PRKG1: variants seen among roughly 807,000 people sequenced by gnomAD.
The protein encoded by PRKG1 is cGMP-dependent protein kinase 1.
PRKG1 carries 35 observed loss-of-function variants against 88.1 expected under a neutral mutation model. That is an observed-to-expected ratio of 0.40 (90% CI 0.30 to 0.53). The LOEUF (loss-of-function observed/expected upper bound fraction) is 0.53, where lower values mean the gene tolerates loss of function less well. Ranked by LOEUF, PRKG1 falls within the 20% of genes least tolerant of loss-of-function variation. The pLI is 0.59. For missense variants in PRKG1, 540 were observed against 839.8 expected (o/e 0.64, Z 4.41); for synonymous variants, 303 against 292.5 (o/e 1.04, Z -0.37).
intron 1 of PRKG1, among the ~76,000 whole-genome samples, chr10:50,994,816 A>AAG (rs1199973768): frequency 1.1e-4 from 17 of 151,376 alleles, no homozygotes; most frequent in Admixed American, 1.1e-3. Context: ...TATTCAGGAA[A>AAG]AAAAAAAAAA....
intron 2 of PRKG1, among the ~76,000 whole-genome samples, chr10:51,461,321 G>A (rs293291): frequency 0.56 from 84,383 of 151,892 alleles, 24,803 homozygotes; most frequent in African/African-American, 0.74. Context: ...CTATGATGAT[G>A]TCAAAGAAAA....
intron 4 of PRKG1, among the ~76,000 whole-genome samples, chr10:51,872,641 T>C (rs1229175764): frequency 6.6e-6 from 1 of 152,224 alleles, no homozygotes; most frequent in East Asian, 1.9e-4. Context: ...ATTGTTATGA[T>C]GCTTACCACG....
chr10:51,908,733 A>ATCTATCTATCTATCTATATAT lies in PRKG1; in HGVS notation c.762+1163_762+1164insTCTATCTATCTATCTATATAT, dbSNP rs60587885. On this transcript the variant is annotated intron_variant, in intron 5 of 17. Coordinates refer to ENST00000373980, the MANE Select transcript of PRKG1 (RefSeq NM_006258.4). ...TCTCTCTGTCTATCTATCTATATGT[A>ATCTATCTATCTATCTATATAT]ATTTTTTTTTTTTTGAGACAGTGTC... The ATCTATCTATCTATCTATATAT allele has an allele frequency of 4.2e-3, 548 of 131,626 alleles. 9 individuals are homozygous for ATCTATCTATCTATCTATATAT. Among genetic ancestry groups the ATCTATCTATCTATCTATATAT allele is most frequent in the African/African-American group, 0.015 (508 of 34,646 alleles). The allele number at this position is 131,626 out of a possible 1,614,324, so 8.2% of individuals were successfully genotyped here. A position where few individuals can be genotyped will look rare whatever the true frequency, so the allele number is the denominator to read the frequency against.
At chr10:51,585,649 C>T (rs933876287) in intron 3 of PRKG1, among the ~76,000 whole-genome samples, 4 of 152,030 alleles carry the variant, frequency 2.6e-5, no homozygotes, top group African/African-American at 9.7e-5. Flanking sequence ...AATTGGTCTA[C>T]CAAAAAAGCA....
chr10:51,376,274 T>C (rs985512954), intron 2 of PRKG1, among the ~76,000 whole-genome samples: 56 of 152,244 alleles, frequency 3.7e-4, no homozygotes, highest in African/African-American at 1.0e-3. Context: ...TTGTTTTTCC[T>C]TCTAGCTTAC....
At chr10:51,129,007 G>C (rs1358875877) in intron 1 of PRKG1, among the ~76,000 whole-genome samples, 3 of 152,132 alleles carry the variant, frequency 2.0e-5, no homozygotes, top group Admixed American at 1.3e-4. Context: ...TCCTACTCTT[G>C]CCTCTTGGCT....
At chr10:51,183,361 G>C (rs1904686) in intron 2 of PRKG1, among the ~76,000 whole-genome samples, 8,082 of 152,198 alleles carry the variant, frequency 0.053, 404 homozygotes, top group African/African-American at 0.13. Flanking sequence ...CTTTGCAGCT[G>C]CAAGCCTTGC....
At chr10:52,280,291 A>C (rs1841974209) in intron 12 of PRKG1, among the ~76,000 whole-genome samples, 1 of 152,138 alleles carries the variant, frequency 6.6e-6, no homozygotes, top group Non-Finnish European at 1.5e-5. Context: ...GTTCTTTGAA[A>C]ACAGTTGCTT....
intron 5 of PRKG1, among the ~76,000 whole-genome samples, chr10:51,916,415 G>A (rs1382360845): frequency 5.3e-5 from 8 of 152,194 alleles, no homozygotes; most frequent in Non-Finnish European, 7.3e-5. Flanking sequence ...CGGAAGGTAT[G>A]AATAAGCCAC....
chr10:51,361,823 C>T (rs1564461836), intron 2 of PRKG1, among the ~76,000 whole-genome samples: 1 of 151,780 alleles, frequency 6.6e-6, no homozygotes, highest in African/African-American at 2.4e-5. Flanking sequence ...ACCTTCAAAA[C>T]TTATTTTTAT....
chr10:52,036,388 C>T (rs555721762), intron 5 of PRKG1, among the ~76,000 whole-genome samples: 4,169 of 142,420 alleles, frequency 0.029, 78 homozygotes, highest in South Asian at 0.083. Context: ...AAGGCTCGTC[C>T]GGTTTTAGGA....
chr10:51,089,260 A>T (rs1564595771), intron 1 of PRKG1, among the ~76,000 whole-genome samples: 2 of 152,226 alleles, frequency 1.3e-5, no homozygotes. Context: ...TAAAAATAAG[A>T]TAGACTGATT....
intron 2 of PRKG1, among the ~76,000 whole-genome samples, chr10:51,233,751 C>A (rs931919025): frequency 2.6e-5 from 4 of 151,988 alleles, no homozygotes; most frequent in Admixed American, 2.0e-4. Flanking sequence ...TCTTCTTATA[C>A]CTTTAAGGGA....
At chr10:51,679,125 T>C (rs1368118230) in intron 3 of PRKG1, among the ~76,000 whole-genome samples, 2 of 152,176 alleles carry the variant, frequency 1.3e-5, no homozygotes, top group African/African-American at 4.8e-5. Flanking sequence ...TTTTAACTGT[T>C]GTTTCTTATT....
At chr10:51,283,544 G>A (rs1206772048) in intron 2 of PRKG1, among the ~76,000 whole-genome samples, 1 of 152,116 alleles carries the variant, frequency 6.6e-6, no homozygotes, top group Non-Finnish European at 1.5e-5. Context: ...AAGGCAGTGA[G>A]TATGTGTGTG....
At chr10:51,814,865 A>C (rs74751532) in intron 4 of PRKG1, among the ~76,000 whole-genome samples, 1 of 152,160 alleles carries the variant, frequency 6.6e-6, no homozygotes, top group South Asian at 2.1e-4. Flanking sequence ...TCATATTGTT[A>C]CTTTCACCTC....
intron 2 of PRKG1, among the ~76,000 whole-genome samples, chr10:51,456,094 A>G (rs1490321264): frequency 4.5e-4 from 69 of 152,214 alleles, no homozygotes; most frequent in Admixed American, 4.5e-3. Flanking sequence ...GATCATGGTG[A>G]AAGTGAAGGA....
chr10:51,504,606 T>A (rs1841139704), intron 3 of PRKG1, among the ~76,000 whole-genome samples: 1 of 152,202 alleles, frequency 6.6e-6, no homozygotes, highest in Non-Finnish European at 1.5e-5. Context: ...TCCATGAGCA[T>A]GGAATGTTCT....
intron 1 of PRKG1, among the ~76,000 whole-genome samples, chr10:51,012,044 C>T (rs939467299): frequency 6.6e-6 from 1 of 152,148 alleles, no homozygotes; most frequent in African/African-American, 2.4e-5. Flanking sequence ...AAGAACAGCA[C>T]AGGAGAGACA....
Sources: allele counts gnomAD v4.1 joint callset (sites outside exome capture counted in the v4.1 genomes callset), GRCh38; gene constraint gnomAD v4.1.1; transcripts MANE v1.5; gene names NCBI Gene and HGNC (gene_info 2026-07-23, HGNC 2026-07-21).